The following FGFR1 variants were observed in gnomAD, a reference collection of about 807,000 sequenced individuals.
The protein encoded by FGFR1 is FGFR1/PLAG1 fusion.
In FGFR1, 18 loss-of-function variants were observed where a neutral mutation model predicts 93.7. The ratio of observed to expected loss-of-function variants is 0.19; its 90% confidence interval spans 0.13 to 0.28. FGFR1 has a LOEUF of 0.28. Ranked by LOEUF, FGFR1 falls within the 10% of genes least tolerant of loss-of-function variation. The pLI is 1.00. For synonymous variants in FGFR1, 448 were observed against 429.3 expected (o/e 1.04, Z -0.54); for missense variants, 731 against 1,080.4 (o/e 0.68, Z 4.53).
In FGFR1 at chr8:38,429,555, A is replaced by T; in HGVS notation, c.358+127T>A. 1.9e-6 allele frequency: 2 copies of T among 1,064,896 alleles called. No homozygotes were observed. The highest frequency in any genetic ancestry group is 2.8e-6 in the Non-Finnish European group (2 of 725,934). The allele number at this position is 1,064,896 out of a possible 1,614,324, so 66.0% of individuals were successfully genotyped here. On this transcript the variant is annotated intron_variant, in intron 3 of 17. Coordinates refer to ENST00000447712, the MANE Select transcript of FGFR1 (RefSeq NM_023110.3). The surrounding 1 kb of genome is among the most constrained non-coding windows in gnomAD (Gnocchi z 4.4). ...CAGGCAGGGAGCAATGTTAGTGGGC[A>T]GCAGTTTCTGAAGCAGAGTGGGGGC...
At position 38,422,107 on chromosome 8, in the gene FGFR1, G is replaced by A. The variant is rs746899421; in HGVS notation, c.937-166C>T. On this transcript the variant is annotated intron_variant, in intron 7 of 17. Transcript: ENST00000447712. ...CGAAAACCACCAGGCAGCAAAACCT[G>A]TTAGAGGAAGAGGGTGAGACCCTGA... The A allele has an allele frequency of 3.9e-5, 30 of 766,398 alleles. No homozygotes were observed. In the Admixed American group the frequency reaches 5.5e-4, roughly 14 times the overall value. The allele number at this position is 766,398 out of a possible 1,614,324, so 47.5% of individuals were successfully genotyped here. A position where few individuals can be genotyped will look rare whatever the true frequency, so the allele number is the denominator to read the frequency against.
intron 1 of FGFR1, among the ~76,000 whole-genome samples, chr8:38,461,569 A>G (rs1257711798): frequency 6.6e-6 from 1 of 152,192 alleles, no homozygotes; most frequent in African/African-American, 2.4e-5. Flanking sequence ...GTGGCCTCCC[A>G]AAGTGCTGGG....
At chr8:38,442,796 AGCT>A (rs1174640358) in intron 2 of FGFR1, among the ~76,000 whole-genome samples, 1 of 152,196 alleles carries the variant, frequency 6.6e-6, no homozygotes, top group Admixed American at 6.5e-5. Context: ...TAGAGGCTTC[AGCT>A]GTTTCAGGAT....
intron 2 of FGFR1, among the ~76,000 whole-genome samples, chr8:38,432,842 GCAATTGGCTTCCACTCTCTCCACCCAGC>G (rs1222622551): frequency 9.3e-5 from 14 of 150,210 alleles, no homozygotes; most frequent in Non-Finnish European, 1.9e-4. Flanking sequence ...AAGACTCCCT[GCAATTGGCTTCCACTCTCTCCACCCAGC>G]CCCATTCTCT....
rs1819806891 is a variant in FGFR1 at position 38,424,060 on chromosome 8, T to C, written c.936+449A>G. ...CCTCATATGGCTTAGAATTTATATATGGCATTTGTTTTTCCAACTCTTCGT... is the reference window on the plus strand; with the variant it reads ...CCTCATATGGCTTAGAATTTATATACGGCATTTGTTTTTCCAACTCTTCGT... On this transcript the variant is annotated intron_variant, in intron 7 of 17. Coordinates refer to ENST00000447712, the MANE Select transcript of FGFR1 (RefSeq NM_023110.3). The surrounding 1 kb of genome is among the most constrained non-coding windows in gnomAD (Gnocchi z 4.3). 3 of 287,810 alleles carry C rather than the reference T, an allele frequency of 1.0e-5. No homozygotes were observed. Among genetic ancestry groups the C allele is most frequent in the African/African-American group, 2.2e-5 (1 of 45,902 alleles). The allele number at this position is 287,810 out of a possible 1,614,324, so 17.8% of individuals were successfully genotyped here.
At chr8:38,441,610 G>C (rs545276056) in intron 2 of FGFR1, among the ~76,000 whole-genome samples, 1 of 152,290 alleles carries the variant, frequency 6.6e-6, no homozygotes, top group East Asian at 1.9e-4. Flanking sequence ...CATTGCTCTG[G>C]AAAGAGGGAA....
intron 5 of FGFR1, among the ~76,000 whole-genome samples, chr8:38,427,121 A>G (rs907035849): frequency 4.6e-5 from 7 of 151,672 alleles, no homozygotes; most frequent in Non-Finnish European, 7.4e-5. Flanking sequence ...AAAAAAAAAA[A>G]TGCTTACACC....
At chr8:38,417,820 T>C in intron 11 of FGFR1, 50 bp downstream of exon 11, 1 of 1,614,090 alleles carries the variant, frequency 6.2e-7, no homozygotes, top group Non-Finnish European at 8.5e-7. Context: ...GCCTGCTGTT[T>C]GCTTGGAATG....
intron 2 of FGFR1, among the ~76,000 whole-genome samples, chr8:38,452,198 CAG>C (rs1368835932): frequency 1.0e-5 from 1 of 96,324 alleles, no homozygotes; most frequent in African/African-American, 3.8e-5. Flanking sequence ...CACAGACACA[CAG>C]ACACACACAC....
chr8:38,431,696 G>C (rs1009442542), intron 2 of FGFR1, among the ~76,000 whole-genome samples: 1 of 152,136 alleles, frequency 6.6e-6, no homozygotes, highest in African/African-American at 2.4e-5. Context: ...TGACCCATGG[G>C]CTTTATCTTA....
intron 1 of FGFR1, among the ~76,000 whole-genome samples, chr8:38,464,248 G>A (rs1835025235): frequency 6.6e-6 from 1 of 151,132 alleles, no homozygotes; most frequent in Non-Finnish European, 1.5e-5. Flanking sequence ...CCGGAAGGCG[G>A]AGGTTGCAGT....
At chr8:38,420,678 T>G (rs1818399861) in intron 8 of FGFR1, among the ~76,000 whole-genome samples, 1 of 151,958 alleles carries the variant, frequency 6.6e-6, no homozygotes, top group African/African-American at 2.4e-5. Context: ...CCCACGGGTG[T>G]GGACGGCCCT....
chr8:38,446,952 G>A (rs1829477479), intron 2 of FGFR1, among the ~76,000 whole-genome samples: 1 of 152,128 alleles, frequency 6.6e-6, no homozygotes. Context: ...TAGGTCTTTG[G>A]CAACAGTGGA....
chr8:38,429,720 G>A lies in FGFR1; in HGVS notation c.320C>T (p.Ser107Leu), dbSNP rs140382957. 6.2e-4 allele frequency: 976 copies of A among 1,577,186 alleles called. 13 individuals are homozygous for A. The East Asian group carries it at 0.019, about 30-fold the overall frequency. The change falls in exon 3 of 18, where the codon TCG (serine) becomes TTG (leucine). Residue 107 changes from serine (S) to leucine (L), a missense_variant. By Grantham distance (145) the Ser-to-Leu change is moderately radical. Coordinates refer to ENST00000447712, the MANE Select transcript of FGFR1 (RefSeq NM_023110.3). The surrounding 1 kb of genome is among the most constrained non-coding windows in gnomAD (Gnocchi z 4.4). Reference sequence around the variant, plus strand: ...GGAGAAGTAGGTGGTGTCACTGCCCGAGGGGCTGCTGGTTACGCAAGCATA... The same window carrying A: ...GGAGAAGTAGGTGGTGTCACTGCCCAAGGGGCTGCTGGTTACGCAAGCATA... Reference protein sequence around the residue: ...GLYACVTSSPSGSDTTYFSVN... With the variant: ...GLYACVTSSPLGSDTTYFSVN...
chr8:38,438,762 C>T (rs1826309445), intron 2 of FGFR1, among the ~76,000 whole-genome samples: 1 of 152,080 alleles, frequency 6.6e-6, no homozygotes, highest in Non-Finnish European at 1.5e-5. Flanking sequence ...TCTTGACTTC[C>T]CCAGGTGAGG....
intron 1 of FGFR1, chr8:38,459,072 TG>T (rs1383646463): frequency 1.3e-5 from 3 of 229,332 alleles, no homozygotes; most frequent in Non-Finnish European, 2.6e-5. Context: ...TCAGGTCTGG[TG>T]GGGTAAAACT....
intron 2 of FGFR1, among the ~76,000 whole-genome samples, chr8:38,447,494 A>G (rs1829733073): frequency 6.6e-6 from 1 of 152,044 alleles, no homozygotes; most frequent in African/African-American, 2.4e-5. Context: ...TATTATTATT[A>G]CTTTTGAGAC....
intron 2 of FGFR1, among the ~76,000 whole-genome samples, chr8:38,432,506 G>A (rs535931633): frequency 2.0e-5 from 3 of 150,030 alleles, no homozygotes; most frequent in East Asian, 2.0e-4. Flanking sequence ...TCTGCCTCCC[G>A]GGTTCAAGTG....
At chr8:38,461,216 G>C in intron 1 of FGFR1, 1 of 1,343,070 alleles carries the variant, frequency 7.4e-7, no homozygotes, top group Non-Finnish European at 1.0e-6. Context: ...TGAGATAGCA[G>C]GGGCTGGACG....
Sources: allele counts gnomAD v4.1 joint callset (sites outside exome capture counted in the v4.1 genomes callset), GRCh38; gene constraint gnomAD v4.1.1; non-coding constraint Gnocchi (gnomAD v3.1); transcripts MANE v1.5; gene names NCBI Gene and HGNC (gene_info 2026-07-23, HGNC 2026-07-21).